The following KHDRBS2 variants were observed in gnomAD, a reference collection of about 807,000 sequenced individuals.
KHDRBS2 encodes the protein KH domain-containing, RNA-binding, signal transduction-associated protein 2.
A neutral mutation model predicts 44.3 loss-of-function variants in KHDRBS2; 26 were observed. The ratio of observed to expected loss-of-function variants is 0.59; its 90% CI spans 0.43 to 0.81. The LOEUF is 0.81. KHDRBS2 is among the 40% of genes least tolerant of loss of function. The pLI, the probability that KHDRBS2 is intolerant of heterozygous loss-of-function variation, is 0.00. For missense variants in KHDRBS2, 476 were observed against 433.1 expected (o/e 1.10, Z -0.88); for synonymous variants, 194 against 151.1 (o/e 1.28, Z -2.08).
intron 6 of KHDRBS2, among the ~76,000 whole-genome samples, chr6:61,884,352 C>A (rs575428023): frequency 6.6e-6 from 1 of 152,174 alleles, no homozygotes; most frequent in Admixed American, 6.6e-5. Flanking sequence ...TCATGTCGTG[C>A]TGAACTGAAT....
chr6:62,211,399 T>C (rs1205378826), intron 1 of KHDRBS2, among the ~76,000 whole-genome samples: 2 of 152,208 alleles, frequency 1.3e-5, no homozygotes, highest in Non-Finnish European at 2.9e-5. Flanking sequence ...TGTGACATCA[T>C]GTGGAACCAC....
intron 6 of KHDRBS2, among the ~76,000 whole-genome samples, chr6:61,823,860 T>C (rs1308884795): frequency 1.3e-5 from 2 of 152,106 alleles, no homozygotes; most frequent in African/African-American, 2.4e-5. Context: ...CAGTAAAACA[T>C]GTATATGAGT....
chr6:61,920,190 C>A (rs1807804237), intron 4 of KHDRBS2, among the ~76,000 whole-genome samples: 1 of 151,890 alleles, frequency 6.6e-6, no homozygotes, highest in Non-Finnish European at 1.5e-5. Flanking sequence ...TTGTTTCATG[C>A]AGCAATTATG....
chr6:62,132,120 C>A (rs1308796152), intron 2 of KHDRBS2, among the ~76,000 whole-genome samples: 1 of 152,062 alleles, frequency 6.6e-6, no homozygotes, highest in Non-Finnish European at 1.5e-5. Flanking sequence ...TTCCAAATAA[C>A]CTTGTAAGGA....
chr6:61,941,289 C>T (rs1284408868), intron 4 of KHDRBS2, among the ~76,000 whole-genome samples: 1 of 152,146 alleles, frequency 6.6e-6, no homozygotes, highest in African/African-American at 2.4e-5. Context: ...ATTACAGTCA[C>T]CACCAACACC....
chr6:61,726,105 C>G (rs1467547079), intron 7 of KHDRBS2, among the ~76,000 whole-genome samples: 1 of 152,130 alleles, frequency 6.6e-6, no homozygotes, highest in East Asian at 1.9e-4. Context: ...TTAACATGAT[C>G]CAGTTGGCTC....
chr6:62,077,171 AAACTT>A (rs1279874182), intron 2 of KHDRBS2, among the ~76,000 whole-genome samples: 1 of 152,056 alleles, frequency 6.6e-6, no homozygotes, highest in Non-Finnish European at 1.5e-5. Context: ...GCATTTGACA[AAACTT>A]AATTTACTGA....
At chr6:62,106,283 T>C (rs940338638) in intron 2 of KHDRBS2, among the ~76,000 whole-genome samples, 6 of 152,190 alleles carry the variant, frequency 3.9e-5, no homozygotes, top group Non-Finnish European at 7.3e-5. Flanking sequence ...GTTCTGTAGA[T>C]GTCTATTAGG....
intron 3 of KHDRBS2, among the ~76,000 whole-genome samples, chr6:61,999,750 G>A (rs1448542346): frequency 6.6e-6 from 1 of 152,050 alleles, no homozygotes; most frequent in Non-Finnish European, 1.5e-5. Context: ...GTTAAATTAT[G>A]AAAAGGCATC....
chr6:62,073,281 G>C (rs567266368), intron 2 of KHDRBS2, among the ~76,000 whole-genome samples: 2 of 151,680 alleles, frequency 1.3e-5, no homozygotes, highest in South Asian at 2.1e-4. Context: ...TCTTCAGTCA[G>C]TTTTGATAAT....
At chr6:61,910,423 A>C (rs1215176069) in intron 4 of KHDRBS2, among the ~76,000 whole-genome samples, 2 of 152,230 alleles carry the variant, frequency 1.3e-5, no homozygotes, top group South Asian at 2.1e-4. Flanking sequence ...GGAAGATTGG[A>C]TATCACAAAG....
intron 4 of KHDRBS2, among the ~76,000 whole-genome samples, chr6:61,976,305 C>T (rs1562566301): frequency 2.0e-5 from 3 of 152,078 alleles, no homozygotes; most frequent in Admixed American, 1.3e-4. Context: ...GGAGATACTG[C>T]CAGCCAGCCC....
chr6:62,193,346 A>G (rs1824994205), intron 1 of KHDRBS2, among the ~76,000 whole-genome samples: 1 of 152,092 alleles, frequency 6.6e-6, no homozygotes, highest in African/African-American at 2.4e-5. Flanking sequence ...AATGTAGGAT[A>G]AAACAGCCAC....
intron 6 of KHDRBS2, among the ~76,000 whole-genome samples, chr6:61,890,035 C>G (rs1220475257): frequency 1.3e-5 from 2 of 152,214 alleles, no homozygotes; most frequent in Admixed American, 1.3e-4. Context: ...CTCCTCACCT[C>G]TCTCCGGAGC....
At chr6:61,888,859 C>A (rs1489015458) in intron 6 of KHDRBS2, among the ~76,000 whole-genome samples, 8 of 152,052 alleles carry the variant, frequency 5.3e-5, no homozygotes, top group Admixed American at 1.3e-4. Flanking sequence ...CCGGGCCCGG[C>A]TGGTACAGAC....
At chr6:61,568,900 C>T in the KHDRBS2 span, among the ~76,000 whole-genome samples, 1 of 152,274 alleles carries the variant, frequency 6.6e-6, no homozygotes, top group African/African-American at 2.4e-5. Context: ...TTTGACTGAG[C>T]ATGAATTTTC....
At chr6:61,943,827 C>T (rs1812640764) in intron 4 of KHDRBS2, among the ~76,000 whole-genome samples, 1 of 151,984 alleles carries the variant, frequency 6.6e-6, no homozygotes, top group African/African-American at 2.4e-5. Context: ...CACAAATAAT[C>T]TTATAAAAAA....
At chr6:61,860,460 G>T (rs1236838077) in intron 6 of KHDRBS2, among the ~76,000 whole-genome samples, 1 of 152,082 alleles carries the variant, frequency 6.6e-6, no homozygotes, top group Non-Finnish European at 1.5e-5. Context: ...TTATAAGTGA[G>T]AACGTGTGGT....
chr6:61,688,989 G>A (rs749620080), intron 8 of KHDRBS2, among the ~76,000 whole-genome samples: 2 of 151,880 alleles, frequency 1.3e-5, no homozygotes, highest in African/African-American at 2.4e-5. Flanking sequence ...TTAGAGTTTG[G>A]GCTTTGGCCT....
Sources: gnomAD v4.1 joint callset for allele counts (sites outside exome capture counted in the v4.1 genomes callset) on GRCh38, gnomAD v4.1.1 for gene constraint, MANE v1.5 for transcripts, NCBI Gene and HGNC (gene_info 2026-07-23, HGNC 2026-07-21) for gene names.